The following IGF1R variants were observed in gnomAD, a reference collection of about 807,000 sequenced individuals.
The protein encoded by IGF1R is insulin-like growth factor 1 receptor.
In IGF1R, 44 loss-of-function variants were observed where a neutral mutation model predicts 144.6. The ratio of observed to expected loss-of-function variants is 0.30; its 90% CI spans 0.24 to 0.39. The LOEUF (loss-of-function observed/expected upper bound fraction) is 0.39. Among genes scored for constraint, IGF1R ranks in the 10% least tolerant of loss-of-function variants. The pLI, the probability that IGF1R is intolerant of heterozygous loss-of-function variation, is 1.00. For synonymous variants in IGF1R, 795 were observed against 722.8 expected (o/e 1.10, Z -1.60); for missense variants, 1,355 against 1,833.7 (o/e 0.74, Z 4.77).
intron 1 of IGF1R, among the ~76,000 whole-genome samples, chr15:98,702,033 G>GTTTTT (rs35793845): frequency 2.0e-4 from 22 of 108,664 alleles, no homozygotes; most frequent in African/African-American, 3.6e-4. Context: ...GAGTCACGCT[G>GTTTTT]TTTTTTTTTT....
At chr15:98,938,442 CTT>C (rs2016240148) in intron 17 of IGF1R, among the ~76,000 whole-genome samples, 1 of 152,176 alleles carries the variant, frequency 6.6e-6, no homozygotes, top group South Asian at 2.1e-4. Flanking sequence ...TTATATAAAA[CTT>C]TTTTCTAAAT....
chr15:98,899,246 C>T (rs1201154228), intron 4 of IGF1R, among the ~76,000 whole-genome samples: 3 of 152,168 alleles, frequency 2.0e-5, no homozygotes, highest in Non-Finnish European at 4.4e-5. Context: ...TGCAGTACCC[C>T]CCAGCCTCCT....
intron 2 of IGF1R, among the ~76,000 whole-genome samples, chr15:98,753,380 CT>C (rs1173073572): frequency 0.057 from 3,424 of 60,044 alleles, 20 homozygotes; most frequent in Non-Finnish European, 0.061. Context: ...CCATACCTGG[CT>C]TTTTTTTTTT....
intron 2 of IGF1R, among the ~76,000 whole-genome samples, chr15:98,710,602 C>T (rs181020425): frequency 9.9e-5 from 15 of 151,850 alleles, no homozygotes; most frequent in South Asian, 6.2e-4. Context: ...TGAAATATAA[C>T]ATTTTGGATA....
chr15:98,860,685 G>T (rs2012100471), intron 2 of IGF1R, among the ~76,000 whole-genome samples: 1 of 152,114 alleles, frequency 6.6e-6, no homozygotes, highest in Admixed American at 6.5e-5. Flanking sequence ...TCTGCTGAAG[G>T]TTTCTTGTGC....
At chr15:98,823,804 A>T (rs2056843297) in intron 2 of IGF1R, among the ~76,000 whole-genome samples, 1 of 151,908 alleles carries the variant, frequency 6.6e-6, no homozygotes, top group South Asian at 2.1e-4. Flanking sequence ...AGTAGTTAAA[A>T]CTCCCAGAAA....
Position 98,796,564 on chromosome 15 carries a change from G to T in IGF1R, c.640+88457G>T, listed in dbSNP as rs141322012. ...CATACTTTTGTCGATCAAACAGGGT[G>T]ACCTCTCTGGTGTCTCTGCACACTA... On this transcript the variant is annotated intron_variant, in intron 2 of 20. Coordinates refer to ENST00000650285, the MANE Select transcript of IGF1R (RefSeq NM_000875.5). Among the ~76,000 whole-genome samples, 782 of 152,304 alleles carry T rather than the reference G, an allele frequency of 5.1e-3. 8 individuals carry two copies. The highest frequency in any genetic ancestry group is 8.3e-3 in the Admixed American group (127 of 15,302).
At chr15:98,867,541 G>T (rs551806709) in intron 2 of IGF1R, among the ~76,000 whole-genome samples, 65 of 152,242 alleles carry the variant, frequency 4.3e-4, no homozygotes, top group African/African-American at 1.5e-3. Context: ...TTGGCTGGAA[G>T]TGTTCTTGTC....
At chr15:98,892,806 A>G (rs1596404570) in intron 3 of IGF1R, among the ~76,000 whole-genome samples, 1 of 151,982 alleles carries the variant, frequency 6.6e-6, no homozygotes, top group East Asian at 1.9e-4. Context: ...CCTTGAGGCC[A>G]TGGGTTCAAG....
At chr15:98,695,719 T>C (rs561467440) in intron 1 of IGF1R, among the ~76,000 whole-genome samples, 118 of 152,218 alleles carry the variant, frequency 7.8e-4, no homozygotes, top group Non-Finnish European at 1.5e-3. Context: ...TTCAAATGAA[T>C]CCTACTGTCT....
At chr15:98,920,965 T>C (rs1204440134) in intron 10 of IGF1R, among the ~76,000 whole-genome samples, 3 of 152,230 alleles carry the variant, frequency 2.0e-5, no homozygotes. Flanking sequence ...GCTTCTGGGC[T>C]GTTCCGTTCC....
At chr15:98,951,626 A>G (rs1164361963) in intron 20 of IGF1R, among the ~76,000 whole-genome samples, 1 of 152,244 alleles carries the variant, frequency 6.6e-6, no homozygotes, top group East Asian at 1.9e-4. Flanking sequence ...GGCTGCAGTC[A>G]TCTGAAGGCT....
intron 1 of IGF1R, among the ~76,000 whole-genome samples, chr15:98,689,533 A>G (rs1481775214): frequency 2.3e-5 from 3 of 132,222 alleles, no homozygotes; most frequent in Non-Finnish European, 1.6e-5. Flanking sequence ...AGCCAGTTGC[A>G]CTACATTTTT....
Position 98,942,991 on chromosome 15 carries a change from G to A in IGF1R, c.3526G>A (p.Val1176Met), listed in dbSNP as rs1238271705. The A allele has an allele frequency of 3.1e-6, 5 of 1,614,108 alleles. No homozygotes were observed. In the African/African-American group the frequency reaches 4.0e-5, roughly 13 times the overall value. The change falls in exon 19 of 21, where the codon GTG becomes ATG. Residue 1176 changes from valine (V) to methionine (M), a missense_variant. This residue lies in a region of IGF1R where 77 missense variants were observed against 163.2 expected (regional missense o/e 0.47). Transcript: ENST00000650285. ...YRKGGKGLLP[V>M]RWMSPESLKD... is the part of the protein sequence containing the mutation. Reference sequence around the variant, plus strand: ...GAAAGGAGGGAAAGGGCTGCTGCCCGTGCGCTGGATGTCTCCTGAGTCCCT... The same window carrying A: ...GAAAGGAGGGAAAGGGCTGCTGCCCATGCGCTGGATGTCTCCTGAGTCCCT...
chr15:98,666,073 T>C (rs2052730492), intron 1 of IGF1R, among the ~76,000 whole-genome samples: 1 of 152,232 alleles, frequency 6.6e-6, no homozygotes, highest in Non-Finnish European at 1.5e-5. Context: ...GGGTTAATTC[T>C]TTTGATTTAA....
chr15:98,749,696 A>C (rs1045356839), intron 2 of IGF1R, among the ~76,000 whole-genome samples: 1 of 152,236 alleles, frequency 6.6e-6, no homozygotes, highest in African/African-American at 2.4e-5. Context: ...CTTACAGGAA[A>C]ATTAATTCTG....
At chr15:98,825,804 G>C (rs1385411527) in intron 2 of IGF1R, among the ~76,000 whole-genome samples, 1 of 152,226 alleles carries the variant, frequency 6.6e-6, no homozygotes, top group Non-Finnish European at 1.5e-5. Flanking sequence ...GTCCATACAT[G>C]TTTAATACAC....
intron 5 of IGF1R, among the ~76,000 whole-genome samples, chr15:98,906,705 C>T (rs1415364931): frequency 6.6e-6 from 1 of 152,240 alleles, no homozygotes; most frequent in Admixed American, 6.5e-5. Context: ...TCTTATGCTG[C>T]TTTTCCAGGA....
chr15:98,795,008 C>G (rs942975117), intron 2 of IGF1R, among the ~76,000 whole-genome samples: 4 of 152,212 alleles, frequency 2.6e-5, no homozygotes, highest in African/African-American at 7.2e-5. Flanking sequence ...CCAGAAGGCA[C>G]GGATGTTTCC....
Sources: allele counts gnomAD v4.1 joint callset (sites outside exome capture counted in the v4.1 genomes callset), GRCh38; gene constraint gnomAD v4.1.1; regional missense constraint gnomAD v4.1.1; transcripts MANE v1.5; gene names NCBI Gene and HGNC (gene_info 2026-07-23, HGNC 2026-07-21).